The following JPH1 variants were observed in gnomAD, a reference collection of about 807,000 sequenced individuals.
JPH1 encodes the protein junctophilin-1.
In JPH1, 12 loss-of-function variants were observed where a neutral mutation model predicts 53.6. That is an observed-to-expected ratio of 0.22 (90% CI 0.14 to 0.36). JPH1 has a LOEUF of 0.36. Ranked by LOEUF, JPH1 falls within the 10% of genes least tolerant of loss-of-function variation. The probability of loss-of-function intolerance (pLI) is 1.00; values close to 1 mark genes in which losing one functional copy is unlikely to be tolerated. For synonymous variants in JPH1, 375 were observed against 363.8 expected, an observed-to-expected ratio of 1.03 and a Z score of -0.35; for missense variants, 808 against 905.5, an observed-to-expected ratio of 0.89 and a Z score of 1.38.
chr8:74,253,202 A>G (rs1806119171), intron 3 of JPH1, among the ~76,000 whole-genome samples: 1 of 152,174 alleles, frequency 6.6e-6, no homozygotes, highest in Admixed American at 6.5e-5. Flanking sequence ...CTCTCAGACC[A>G]CAGTGCAATC....
intron 3 of JPH1, among the ~76,000 whole-genome samples, chr8:74,245,421 G>C (rs16938830): frequency 0.014 from 2,134 of 152,214 alleles, 66 homozygotes; most frequent in African/African-American, 0.049. Flanking sequence ...AGAATACAGA[G>C]GCAAAATTCA....
At chr8:74,265,059 A>C (rs558305054) in intron 2 of JPH1, among the ~76,000 whole-genome samples, 5 of 152,336 alleles carry the variant, frequency 3.3e-5, no homozygotes, top group African/African-American at 9.6e-5. Flanking sequence ...TTATACCCCC[A>C]AAATCAGGAA....
At chr8:74,302,122 T>C (rs1185560187) in intron 2 of JPH1, among the ~76,000 whole-genome samples, 1 of 152,194 alleles carries the variant, frequency 6.6e-6, no homozygotes, top group East Asian at 1.9e-4. Flanking sequence ...TCAAGACCTG[T>C]TGGGTCTTTT....
At chr8:74,314,671 TG>T (rs541208118) in intron 2 of JPH1, among the ~76,000 whole-genome samples, 189 bp downstream of exon 2, 10 of 152,338 alleles carry the variant, frequency 6.6e-5, no homozygotes, top group African/African-American at 2.2e-4. Flanking sequence ...TTTTTGATGA[TG>T]GGAAGTTTCA....
chr8:74,314,358 T>C (rs1309192732), intron 2 of JPH1, among the ~76,000 whole-genome samples: 1 of 152,240 alleles, frequency 6.6e-6, no homozygotes, highest in African/African-American at 2.4e-5. Context: ...TAAGACTTCA[T>C]AAACAGAATC....
chr8:74,268,595 C>A (rs796943851), intron 2 of JPH1, among the ~76,000 whole-genome samples: 21 of 152,196 alleles, frequency 1.4e-4, no homozygotes, highest in African/African-American at 5.1e-4. Context: ...ATAGTCCTGA[C>A]TCCATGTTCT....
chr8:74,319,085 G>A (rs943544170), intron 1 of JPH1, among the ~76,000 whole-genome samples: 2 of 151,906 alleles, frequency 1.3e-5, no homozygotes, highest in African/African-American at 4.8e-5. Context: ...AAAACTGAAG[G>A]CAGATTATTC....
At chr8:74,284,650 CA>C (rs1807107950) in intron 2 of JPH1, among the ~76,000 whole-genome samples, 1 of 151,976 alleles carries the variant, frequency 6.6e-6, no homozygotes, top group Non-Finnish European at 1.5e-5. Context: ...GTTTACCTGG[CA>C]AAAGAATTCT....
chr8:74,289,073 A>G (rs1419255867), intron 2 of JPH1, among the ~76,000 whole-genome samples: 1 of 152,222 alleles, frequency 6.6e-6, no homozygotes, highest in African/African-American at 2.4e-5. Flanking sequence ...ACTCTGAAAG[A>G]TACAAGCAAA....
intron 2 of JPH1, among the ~76,000 whole-genome samples, chr8:74,290,684 A>G (rs371339949): frequency 4.6e-5 from 7 of 152,102 alleles, no homozygotes; most frequent in Non-Finnish European, 8.8e-5. Flanking sequence ...ACAATCCTAA[A>G]CCAAAAGAAC....
chr8:74,256,886 G>A (rs116491241), intron 3 of JPH1, among the ~76,000 whole-genome samples: 2,244 of 152,296 alleles, frequency 0.015, 58 homozygotes, highest in African/African-American at 0.049. Context: ...AGCTATGACA[G>A]GCATCTTTTA....
At chr8:74,256,741 A>G (rs55873301) in intron 3 of JPH1, among the ~76,000 whole-genome samples, 2,140 of 152,356 alleles carry the variant, frequency 0.014, 66 homozygotes, top group African/African-American at 0.049. Context: ...AATGGCGATC[A>G]TTAAAAAGTC....
intron 2 of JPH1, among the ~76,000 whole-genome samples, chr8:74,273,552 G>A (rs1457049135): frequency 2.0e-5 from 3 of 152,092 alleles, no homozygotes; most frequent in Non-Finnish European, 4.4e-5. Flanking sequence ...AACAAGTCAG[G>A]ATCGCTCATA....
At chr8:74,259,288 T>C (rs927840222) in intron 3 of JPH1, 97 bp downstream of exon 3, 20 of 943,766 alleles carry the variant, frequency 2.1e-5, no homozygotes, top group Non-Finnish European at 3.0e-5. Context: ...ACTGCTGGGA[T>C]TCAGGAAGCA....
At chr8:74,251,985 T>C (rs1806080395) in intron 3 of JPH1, among the ~76,000 whole-genome samples, 1 of 152,016 alleles carries the variant, frequency 6.6e-6, no homozygotes, top group Admixed American at 6.6e-5. Context: ...CATAGACCAA[T>C]GGAACAGAAC....
rs796661658 is a variant in JPH1 at position 74,280,107 on chromosome 8, T to C, written c.1140-20604A>G. Among the ~76,000 whole-genome samples, 55 of 152,316 alleles carry C rather than the reference T, an allele frequency of 3.6e-4. 1 individual carries two copies. The highest frequency in any genetic ancestry group is 1.2e-3 in the African/African-American group (49 of 41,572). ...ATAAAGAATCTTAAATAATGGACTA[T>C]GCACAGCAATGAAATCTGTAGTAAG... On this transcript the variant is annotated intron_variant, in intron 2 of 5. Coordinates refer to ENST00000342232, the MANE Select transcript of JPH1 (RefSeq NM_020647.4).
rs368837494 is a variant in JPH1 at position 74,244,727 on chromosome 8, G to A, written c.1707C>T (p.Asp569=). The change falls in exon 4 of 6, where the codon GAC becomes GAT. Residue 569 remains aspartate (D), a synonymous_variant. Coordinates refer to ENST00000342232, the MANE Select transcript of JPH1 (RefSeq NM_020647.4). ...AGGAAGACTGGCTGGATCCATCGCC[G>A]TCCTCCACGTCTACTGGAGGGTGCT... The part of the protein sequence containing the change: ...APQHPPVDVE[D]GDGSSQSSSA... The A allele has an allele frequency of 1.4e-5, 22 of 1,613,996 alleles. No homozygotes were observed. The highest frequency in any genetic ancestry group is 1.1e-4 in the African/African-American group (8 of 74,892).
intron 2 of JPH1, among the ~76,000 whole-genome samples, chr8:74,300,026 T>G (rs925083763): frequency 6.6e-6 from 1 of 152,256 alleles, no homozygotes; most frequent in Admixed American, 6.5e-5. Flanking sequence ...TAGTGACTAC[T>G]TACTCTAGAA....
At chr8:74,300,061 G>A (rs1586767529) in intron 2 of JPH1, among the ~76,000 whole-genome samples, 1 of 152,264 alleles carries the variant, frequency 6.6e-6, no homozygotes, top group South Asian at 2.1e-4. Flanking sequence ...TTCCAACAAT[G>A]GGCTGAAAGT....
Sources: allele counts gnomAD v4.1 joint callset (sites outside exome capture counted in the v4.1 genomes callset), GRCh38; gene constraint gnomAD v4.1.1; transcripts MANE v1.5; gene names NCBI Gene and HGNC (gene_info 2026-07-23, HGNC 2026-07-21).